Variants in PDE1C observed in about 807,000 individuals in gnomAD.
PDE1C encodes phosphodiesterase 1C, also known as dual specificity calcium/calmodulin-dependent 3',5'-cyclic nucleotide phosphodiesterase 1C.
In PDE1C, 62 loss-of-function variants were observed where a neutral mutation model predicts 93.1. The ratio of observed to expected loss-of-function variants is 0.67; its 90% CI spans 0.54 to 0.82. PDE1C has a LOEUF of 0.82. Ranked by LOEUF, PDE1C falls within the 40% of genes least tolerant of loss-of-function variation. The pLI, the probability that PDE1C is intolerant of heterozygous loss-of-function variation, is 0.00. For synonymous variants in PDE1C, 325 were observed against 310.1 expected (o/e 1.05, Z -0.50); for missense variants, 742 against 884.6 (o/e 0.84, Z 2.04).
the PDE1C span, among the ~76,000 whole-genome samples, chr7:31,744,611 A>G: frequency 2.0e-5 from 3 of 152,250 alleles, no homozygotes; most frequent in South Asian, 4.2e-4. Flanking sequence ...CATGGCTTCA[A>G]TCTCATTTCT....
chr7:31,674,742 AT>A, the PDE1C span, among the ~76,000 whole-genome samples: 2 of 152,304 alleles, frequency 1.3e-5, no homozygotes, highest in African/African-American at 2.4e-5. Flanking sequence ...ATAAAATAAT[AT>A]TCTTTTCTAA....
intron 1 of PDE1C, among the ~76,000 whole-genome samples, chr7:32,346,140 T>C (rs1388633589): frequency 6.6e-6 from 1 of 152,256 alleles, no homozygotes; most frequent in Non-Finnish European, 1.5e-5. Flanking sequence ...GCCAACTTCA[T>C]GGCACACAAC....
chr7:32,290,895 A>G (rs1447831157), intron 1 of PDE1C, among the ~76,000 whole-genome samples: 2 of 152,212 alleles, frequency 1.3e-5, no homozygotes, highest in Non-Finnish European at 1.5e-5. Context: ...TCATCCTTAC[A>G]GTTTTTCAAA....
chr7:31,805,206 T>C (rs1786663877), intron 16 of PDE1C, among the ~76,000 whole-genome samples: 2 of 151,620 alleles, frequency 1.3e-5, no homozygotes, highest in South Asian at 4.2e-4. Flanking sequence ...CTTTCCTTTA[T>C]AAATTACCCA....
At chr7:32,314,063 A>G (rs1161746696) in intron 1 of PDE1C, among the ~76,000 whole-genome samples, 6 of 151,950 alleles carry the variant, frequency 3.9e-5, no homozygotes, top group Admixed American at 3.9e-4. Flanking sequence ...GAAAAAAATA[A>G]ATAAATAAAT....
At position 31,855,617 on chromosome 7, in the gene PDE1C, T is replaced by C. The variant is rs563229141; in HGVS notation, c.751-4876A>G. ...ATGTAATTTTGATATCCTTAGTCTT[T>C]CCTGTTAATACATTGATATTATGTA... is the stretch of plus-strand genomic sequence containing the variant. On this transcript the variant is annotated intron_variant, in intron 7 of 17. Transcript: ENST00000396191. Among the ~76,000 whole-genome samples, 40 of 151,540 alleles carry C rather than the reference T, an allele frequency of 2.6e-4. No individual in the cohort carries two copies. In the South Asian group the frequency reaches 2.9e-3, roughly 11 times the overall value.
chr7:31,886,262 C>T (rs941613833), intron 2 of PDE1C, among the ~76,000 whole-genome samples: 1 of 152,236 alleles, frequency 6.6e-6, no homozygotes, highest in Admixed American at 6.5e-5. Flanking sequence ...CTCCTGTCCT[C>T]TGCCACTTAC....
upstream of PDE1C, among the ~76,000 whole-genome samples, chr7:32,300,690 T>G (rs191551343): frequency 7.2e-5 from 11 of 152,330 alleles, no homozygotes; most frequent in Admixed American, 5.9e-4. Flanking sequence ...CAGATCTTAC[T>G]ATGTAGACTG....
chr7:31,810,471 T>C (rs1376672699), intron 15 of PDE1C, among the ~76,000 whole-genome samples: 3 of 152,184 alleles, frequency 2.0e-5, no homozygotes, highest in African/African-American at 4.8e-5. Context: ...AGCCCCATTA[T>C]GAAGGGGCTA....
the PDE1C span, among the ~76,000 whole-genome samples, chr7:31,649,410 T>A: frequency 6.6e-6 from 1 of 152,150 alleles, no homozygotes; most frequent in East Asian, 1.9e-4. Context: ...GCCTGCAAGA[T>A]CAGTTTCCTT....
At chr7:32,059,094 T>C (rs1477536185) in intron 1 of PDE1C, among the ~76,000 whole-genome samples, 1 of 152,188 alleles carries the variant, frequency 6.6e-6, no homozygotes. Flanking sequence ...TACAGACTCA[T>C]ACTGTCATTG....
At chr7:31,709,890 C>A in the PDE1C span, among the ~76,000 whole-genome samples, 1 of 152,166 alleles carries the variant, frequency 6.6e-6, no homozygotes, top group Non-Finnish European at 1.5e-5. Flanking sequence ...GTGGCTCATG[C>A]CTGTAATTCC....
intron 9 of PDE1C, among the ~76,000 whole-genome samples, chr7:31,839,704 G>A (rs907958587): frequency 2.0e-5 from 3 of 152,214 alleles, no homozygotes; most frequent in Admixed American, 6.5e-5. Context: ...TGAATACCTA[G>A]AAGCAGAATG....
intron 17 of PDE1C, among the ~76,000 whole-genome samples, chr7:31,770,651 C>T (rs1185799745): frequency 6.6e-6 from 1 of 152,122 alleles, no homozygotes; most frequent in Admixed American, 6.5e-5. Context: ...AGTGGGATTA[C>T]AGGCACCCAT....
In PDE1C at chr7:31,888,354, G is replaced by A. The variant is rs1046607521; in HGVS notation, c.129-7494C>T. On this transcript the variant is annotated intron_variant, in intron 2 of 17. Transcript: ENST00000396191. ...GAACAAGTTACTCCAAAGACAGTAG[G>A]CAATAGCAAAAAATAAGCACAAAAC... 4.0e-5 allele frequency among the ~76,000 whole-genome samples: 6 copies of A among 151,470 alleles called. No individual in the cohort carries two copies. In the East Asian group the frequency reaches 1.2e-3, roughly 29 times the overall value.
the PDE1C span, among the ~76,000 whole-genome samples, chr7:31,682,877 T>G: frequency 6.6e-6 from 1 of 152,188 alleles, no homozygotes; most frequent in South Asian, 2.1e-4. Context: ...ATAACAATGG[T>G]TATATGTTAT....
At chr7:32,107,284 AG>A (rs1346933606) in intron 3 of PDE1C, among the ~76,000 whole-genome samples, 1 of 142,024 alleles carries the variant, frequency 7.0e-6, no homozygotes, top group East Asian at 2.4e-4. Context: ...GAGGGAGGGA[AG>A]GAGGGAGGGA....
chr7:32,350,415 AC>A (rs201461321), intron 1 of PDE1C, among the ~76,000 whole-genome samples: 2 of 142,836 alleles, frequency 1.4e-5, no homozygotes, highest in East Asian at 4.7e-4. Flanking sequence ...CAAACAAAGA[AC>A]AATTCCTTAA....
the PDE1C span, among the ~76,000 whole-genome samples, chr7:31,686,092 C>T: frequency 6.6e-6 from 1 of 152,210 alleles, no homozygotes; most frequent in Admixed American, 6.5e-5. Context: ...CAGGGAACCT[C>T]AGGTAAGACT....
Sources: allele counts gnomAD v4.1 joint callset (sites outside exome capture counted in the v4.1 genomes callset), GRCh38; gene constraint gnomAD v4.1.1; transcripts MANE v1.5; gene names NCBI Gene and HGNC (gene_info 2026-07-23, HGNC 2026-07-21).